Variants in IL10RB observed in about 807,000 individuals in gnomAD.
IL10RB encodes the protein interleukin 10 receptor subunit beta.
A neutral mutation model predicts 38.7 loss-of-function variants in IL10RB; 30 were observed. The observed-to-expected ratio is 0.78, with a 90% CI of 0.58 to 1.05. The LOEUF (loss-of-function observed/expected upper bound fraction) is 1.05, where lower values mean the gene tolerates loss of function less well. Ranked by LOEUF, IL10RB falls within the 50% of genes least tolerant of loss-of-function variation. The pLI, the probability that IL10RB is intolerant of heterozygous loss-of-function variation, is 0.00. For synonymous variants in IL10RB, 142 were observed against 145.9 expected, an observed-to-expected ratio of 0.97 and a Z score of 0.19; for missense variants, 328 against 397.1, an observed-to-expected ratio of 0.83 and a Z score of 1.48.
chr21:33,287,718 A>C (rs1318672389), intron 5 of IL10RB, among the ~76,000 whole-genome samples: 1 of 152,004 alleles, frequency 6.6e-6, no homozygotes, highest in Non-Finnish European at 1.5e-5. Flanking sequence ...GTTTTTCTCA[A>C]TATAGAACGA....
chr21:33,278,580 C>A (rs1391054930), intron 3 of IL10RB, among the ~76,000 whole-genome samples: 1 of 152,142 alleles, frequency 6.6e-6, no homozygotes, highest in African/African-American at 2.4e-5. Context: ...CCCTTTAGAG[C>A]CTAGGTACAA....
At chr21:33,299,514 T>G (rs2082980416), downstream of IL10RB, among the ~76,000 whole-genome samples, 1 of 152,188 alleles carries the variant, frequency 6.6e-6, no homozygotes, top group Admixed American at 6.5e-5. Flanking sequence ...TGCCTCGCCT[T>G]GTTGAAAATA....
At chr21:33,298,824 G>A (rs1227202623), downstream of IL10RB, among the ~76,000 whole-genome samples, 4 of 152,130 alleles carry the variant, frequency 2.6e-5, no homozygotes, top group Admixed American at 6.5e-5. Context: ...AGGTGAATGC[G>A]GCAGCTGTGC....
At chr21:33,272,005 A>G (rs1019773981) in intron 2 of IL10RB, among the ~76,000 whole-genome samples, 5 of 152,090 alleles carry the variant, frequency 3.3e-5, no homozygotes, top group African/African-American at 4.8e-5. Context: ...AGGGAGGAAA[A>G]AAAATATGGC....
At position 33,296,273 on chromosome 21, in the gene IL10RB, T is replaced by C; in HGVS notation, c.894T>C (p.Ile298=). ...ATGTTTTTGACAAGCTAAGTGTCAT[T>C]GCAGAAGACTCTGAGAGCGGCAAGC... ...ENDVFDKLSV[I]AEDSESGKQN... is the part of the protein sequence containing the mutation. The change falls in exon 7 of 7, where the codon ATT becomes ATC. Residue 298 remains isoleucine, a synonymous_variant. Coordinates refer to ENST00000290200, the MANE Select transcript of IL10RB (RefSeq NM_000628.5). 6.2e-7 allele frequency: 1 copy of C among 1,614,146 alleles called. No individual in the cohort carries two copies. Among genetic ancestry groups the C allele is most frequent in the Non-Finnish European group, 8.5e-7 (1 of 1,179,984 alleles).
chr21:33,272,325 A>G (rs937883634), intron 2 of IL10RB, among the ~76,000 whole-genome samples: 2 of 152,138 alleles, frequency 1.3e-5, no homozygotes, highest in Admixed American at 1.3e-4. Flanking sequence ...TGTTATTTTT[A>G]TCACCATCAC....
At chr21:33,294,105 A>G in intron 6 of IL10RB, 1 of 468,598 alleles carries the variant, frequency 2.1e-6, no homozygotes, top group Non-Finnish European at 4.4e-6. Flanking sequence ...GACTTTGCAG[A>G]CTTGACCGTG....
At chr21:33,295,232 C>T (rs780070112) in intron 6 of IL10RB, among the ~76,000 whole-genome samples, 7 of 151,992 alleles carry the variant, frequency 4.6e-5, no homozygotes, top group Non-Finnish European at 8.8e-5. Flanking sequence ...GTGGTGGGCG[C>T]CTATAGTCCC....
At chr21:33,273,529 A>G (rs180985664) in intron 2 of IL10RB, among the ~76,000 whole-genome samples, 42 of 152,298 alleles carry the variant, frequency 2.8e-4, no homozygotes, top group African/African-American at 9.6e-4. Flanking sequence ...CTGACTGATC[A>G]GGGTAGTGGT....
At chr21:33,289,397 G>A (rs1239212867) in intron 6 of IL10RB, among the ~76,000 whole-genome samples, 1 of 151,642 alleles carries the variant, frequency 6.6e-6, no homozygotes, top group Non-Finnish European at 1.5e-5. Flanking sequence ...TGCTGCTGGT[G>A]TCGGGACCAC....
intron 2 of IL10RB, among the ~76,000 whole-genome samples, chr21:33,272,279 C>T (rs189864343): frequency 3.0e-4 from 46 of 152,274 alleles, no homozygotes; most frequent in South Asian, 2.1e-3. Flanking sequence ...AGGCTCTCCA[C>T]GCCTGACCCC....
chr21:33,296,157 C>T (rs753270259), intron 6 of IL10RB, 27 bp from the exon 7 acceptor site: 3 of 1,585,094 alleles, frequency 1.9e-6, no homozygotes, highest in African/African-American at 2.7e-5. Flanking sequence ...GAAAATTGAT[C>T]ATTAACTGTC....
chr21:33,293,921 C>T (rs563241064), intron 6 of IL10RB: 3 of 463,150 alleles, frequency 6.5e-6, no homozygotes, highest in Non-Finnish European at 9.0e-6. Context: ...AGGGTGGGCC[C>T]TTTGCTTGGG....
At chr21:33,285,418 G>A (rs560986428) in intron 5 of IL10RB, among the ~76,000 whole-genome samples, 5 of 152,296 alleles carry the variant, frequency 3.3e-5, no homozygotes, top group African/African-American at 1.2e-4. Flanking sequence ...CTGCCTCATG[G>A]TGTGGTCAGA....
intron 5 of IL10RB, among the ~76,000 whole-genome samples, chr21:33,287,152 G>A (rs1989389800): frequency 6.6e-6 from 1 of 152,178 alleles, no homozygotes; most frequent in African/African-American, 2.4e-5. Flanking sequence ...ACAGAGGAAG[G>A]ATTCACCACT....
chr21:33,301,397 T>C (rs1441222720), downstream of IL10RB, among the ~76,000 whole-genome samples: 1 of 152,206 alleles, frequency 6.6e-6, no homozygotes, highest in Admixed American at 6.5e-5. Flanking sequence ...GCTGGCACTT[T>C]ACGAGGTCAA....
At chr21:33,280,382 C>T (rs8178493) in intron 4 of IL10RB, among the ~76,000 whole-genome samples, 5,083 of 152,180 alleles carry the variant, frequency 0.033, 277 homozygotes, top group African/African-American at 0.11. Flanking sequence ...GAATATCACC[C>T]GTGCCACCAT....
At chr21:33,309,505 T>C (rs1004646994) in exon 2 of IL10RB, 48 of 152,226 alleles carry the variant, frequency 3.2e-4, no homozygotes, top group African/African-American at 1.1e-3. Flanking sequence ...TAATCTTTTA[T>C]TACCTTTCAC....
At chr21:33,303,115 C>A (rs1328272783) in intron 1 of IL10RB, among the ~76,000 whole-genome samples, 1 of 152,148 alleles carries the variant, frequency 6.6e-6, no homozygotes, top group Non-Finnish European at 1.5e-5. Context: ...GAAGGGGGAG[C>A]CACGAAGACA....
Sources: gnomAD v4.1 joint callset for allele counts (sites outside exome capture counted in the v4.1 genomes callset) on GRCh38, gnomAD v4.1.1 for gene constraint, MANE v1.5 for transcripts, NCBI Gene and HGNC (gene_info 2026-07-23, HGNC 2026-07-21) for gene names.